Variants in SMYD3 observed in about 807,000 individuals in gnomAD.
SMYD3 encodes histone-lysine N-methyltransferase SMYD3.
A neutral mutation model predicts 57.7 loss-of-function variants in SMYD3; 36 were observed. The observed-to-expected ratio is 0.62, with a 90% CI of 0.48 to 0.82. SMYD3 has a LOEUF of 0.82. Among genes scored for constraint, SMYD3 ranks in the 40% least tolerant of loss-of-function variants. The probability of loss-of-function intolerance (pLI) is 0.00; values close to 1 mark genes in which losing one functional copy is unlikely to be tolerated. For missense variants in SMYD3, 515 were observed against 538.8 expected (o/e 0.96, Z 0.44); for synonymous variants, 211 against 195.0 (o/e 1.08, Z -0.68).
At chr1:245,901,119 T>C (rs1360060767) in intron 8 of SMYD3, among the ~76,000 whole-genome samples, 1 of 152,222 alleles carries the variant, frequency 6.6e-6, no homozygotes, top group East Asian at 1.9e-4. Context: ...TCTTGATTCA[T>C]GTTGCCAATG....
chr1:246,363,044 C>CT (rs2066025870), intron 1 of SMYD3, among the ~76,000 whole-genome samples: 1 of 150,102 alleles, frequency 6.7e-6, no homozygotes, highest in Non-Finnish European at 1.5e-5. Context: ...CGCCCATCGT[C>CT]TGAGATGTGG....
At chr1:246,231,238 G>C (rs1008992133) in intron 5 of SMYD3, among the ~76,000 whole-genome samples, 1 of 152,074 alleles carries the variant, frequency 6.6e-6, no homozygotes, top group African/African-American at 2.4e-5. Context: ...CTTTCAAATA[G>C]GTATATTTTC....
chr1:246,275,151 G>C (rs1157009484), intron 5 of SMYD3, among the ~76,000 whole-genome samples: 1 of 152,182 alleles, frequency 6.6e-6, no homozygotes, highest in African/African-American at 2.4e-5. Context: ...CAATGCGCAA[G>C]AGCAGGGGCA....
chr1:246,125,728 G>A (rs12045392), intron 5 of SMYD3, among the ~76,000 whole-genome samples: 3,083 of 152,080 alleles, frequency 0.02, 146 homozygotes, highest in East Asian at 0.15. Context: ...AAACAAGAGG[G>A]ATGTGATGAC....
chr1:245,986,925 T>G (rs2058717071), intron 5 of SMYD3, among the ~76,000 whole-genome samples: 2 of 152,196 alleles, frequency 1.3e-5, no homozygotes, highest in African/African-American at 4.8e-5. Flanking sequence ...TAAGTAAAAC[T>G]TGATGAACAT....
At chr1:245,821,832 C>G (rs559910222) in intron 10 of SMYD3, among the ~76,000 whole-genome samples, 4,306 of 151,430 alleles carry the variant, frequency 0.028, 89 homozygotes, top group Non-Finnish European at 0.046. Context: ...AAATGCAAAT[C>G]AAAACCACAA....
At chr1:245,771,097 T>A (rs147265359) in intron 10 of SMYD3, among the ~76,000 whole-genome samples, 1 of 152,072 alleles carries the variant, frequency 6.6e-6, no homozygotes, top group Admixed American at 6.6e-5. Context: ...TATACCCACA[T>A]ATATACATAC....
intron 1 of SMYD3, among the ~76,000 whole-genome samples, chr1:246,451,550 A>C (rs1415739721): frequency 6.6e-6 from 1 of 152,218 alleles, no homozygotes; most frequent in Non-Finnish European, 1.5e-5. Flanking sequence ...TGATATGATG[A>C]TGGTGGATAC....
chr1:246,427,461 A>G (rs1314293889), intron 1 of SMYD3, among the ~76,000 whole-genome samples: 1 of 149,858 alleles, frequency 6.7e-6, no homozygotes, highest in Non-Finnish European at 1.5e-5. Flanking sequence ...CGGAGCTTGC[A>G]GTGAGCCGAG....
At chr1:245,817,205 C>T (rs373510646) in intron 10 of SMYD3, among the ~76,000 whole-genome samples, 82 of 146,846 alleles carry the variant, frequency 5.6e-4, no homozygotes, top group East Asian at 2.8e-3. Context: ...GATCTGAGAA[C>T]GGGCAGACTG....
intron 10 of SMYD3, among the ~76,000 whole-genome samples, chr1:245,794,828 T>C (rs1352023556): frequency 6.6e-6 from 1 of 152,244 alleles, no homozygotes; most frequent in Non-Finnish European, 1.5e-5. Context: ...TTCTGATTGG[T>C]TCTGTTCCTA....
At chr1:246,360,106 C>T (rs1335886725) in intron 1 of SMYD3, among the ~76,000 whole-genome samples, 1 of 152,164 alleles carries the variant, frequency 6.6e-6, no homozygotes, top group African/African-American at 2.4e-5. Flanking sequence ...TACATGAATT[C>T]AGCAAAGTTT....
At chr1:246,327,000 TAATCA>T in intron 5 of SMYD3, 196 bp downstream of exon 5, 1 of 594,810 alleles carries the variant, frequency 1.7e-6, no homozygotes. Flanking sequence ...ACAAGAATAT[TAATCA>T]AACAGAAAAA....
rs191364708 is a variant in SMYD3 at position 246,329,876 on chromosome 1, G to T, written c.394+604C>A. ...TACTGTATGTGCCCTGGCTAGTTTT[G>T]AGTTGAAATCACTTACAACCTTAAC... On this transcript the variant is annotated intron_variant, in intron 4 of 11. Transcript: ENST00000490107. Among the ~76,000 whole-genome samples the T allele has an allele frequency of 5.7e-3, 867 of 152,196 alleles. 8 individuals carry two copies. Among genetic ancestry groups the T allele is most frequent in the African/African-American group, 0.02 (813 of 41,510 alleles).
chr1:246,467,483 C>T (rs537180183), intron 1 of SMYD3, among the ~76,000 whole-genome samples: 1 of 151,656 alleles, frequency 6.6e-6, no homozygotes, highest in Non-Finnish European at 1.5e-5. Context: ...AGGGAAGACT[C>T]GAATAAAGAA....
At position 245,806,705 on chromosome 1, in the gene SMYD3, T is replaced by C. The variant is rs2791403; in HGVS notation, c.1077-42556A>G. On this transcript the variant is annotated intron_variant, in intron 10 of 11. Coordinates refer to ENST00000490107, the MANE Select transcript of SMYD3 (RefSeq NM_001167740.2). ...GCGGGTGGATCATGAGGTCAGGAGA[T>C]GGAGACCATCCTGGCTAACAAGGTG... Among the ~76,000 whole-genome samples the C allele has an allele frequency of 3.9e-3, 588 of 151,228 alleles. 1 individual carries two copies. Among genetic ancestry groups the C allele is most frequent in the African/African-American group, 0.014 (560 of 41,158 alleles).
chr1:246,258,815 G>C lies in SMYD3; in HGVS notation c.531+68386C>G, dbSNP rs555023901. 4.2e-5 allele frequency among the ~76,000 whole-genome samples: 6 copies of C among 144,164 alleles called. No individual in the cohort carries two copies. In the South Asian group the frequency reaches 1.5e-3, roughly 35 times the overall value. The allele number at this position is 144,164 out of a possible 152,430, so 94.6% of individuals were successfully genotyped here. A position where few individuals can be genotyped will look rare whatever the true frequency, so the allele number is the denominator to read the frequency against. The stretch of plus-strand genomic sequence containing the variant: ...TTTAATTCCTCAAATTTGTTTTCCA[G>C]GTTGCTTATTTTTTTCCTTCTCTCT... On this transcript the variant is annotated intron_variant, in intron 5 of 11. Transcript: ENST00000490107.
At chr1:245,779,508 C>T (rs1347754260) in intron 10 of SMYD3, among the ~76,000 whole-genome samples, 1 of 152,182 alleles carries the variant, frequency 6.6e-6, no homozygotes, top group Non-Finnish European at 1.5e-5. Context: ...TGACTTCTCC[C>T]AGATTGTGGA....
chr1:246,397,892 G>A (rs1432014051), intron 1 of SMYD3, among the ~76,000 whole-genome samples: 1 of 144,384 alleles, frequency 6.9e-6, no homozygotes, highest in Non-Finnish European at 1.5e-5. Flanking sequence ...TGGGGTGGGG[G>A]CACAAGACTG....
Sources: allele counts gnomAD v4.1 joint callset (sites outside exome capture counted in the v4.1 genomes callset), GRCh38; gene constraint gnomAD v4.1.1; transcripts MANE v1.5; gene names NCBI Gene and HGNC (gene_info 2026-07-23, HGNC 2026-07-21).